The following DMXL1 variants were observed in gnomAD, a reference collection of about 807,000 sequenced individuals.
The protein encoded by DMXL1 is Dmx like 1, also known as dmX-like protein 1.
DMXL1 carries 99 observed loss-of-function variants against 319.2 expected under a neutral mutation model. That is an observed-to-expected ratio of 0.31 (90% CI 0.26 to 0.37). The LOEUF (loss-of-function observed/expected upper bound fraction) is 0.37, where lower values mean the gene tolerates loss of function less well. Among genes scored for constraint, DMXL1 ranks in the 10% least tolerant of loss-of-function variants. The pLI is 1.00. For synonymous variants in DMXL1, 1,385 were observed against 1,235.2 expected, an observed-to-expected ratio of 1.12 and a Z score of -2.54; for missense variants, 3,745 against 3,595.6, an observed-to-expected ratio of 1.04 and a Z score of -1.06.
Position 119,170,775 on chromosome 5 carries a change from A to G in DMXL1, c.5984A>G (p.Lys1995Arg), listed in dbSNP as rs1353898825. The change falls in exon 24 of 44, where the codon AAA (lysine) becomes AGA (arginine). Residue 1995 changes from lysine (K) to arginine (R), a missense_variant. This residue lies in a region of DMXL1 where 1,382 missense variants were observed against 1,269.5 expected (regional missense o/e 1.09). Coordinates refer to ENST00000539542, the MANE Select transcript of DMXL1 (RefSeq NM_001290321.3). Reference protein sequence around the residue: ...ELKPLQRKTDKKLDDISSNYT... With the variant: ...ELKPLQRKTDRKLDDISSNYT... ...AAACCTTTACAGAGAAAAACAGATA[A>G]AAAGTTGGATGACATAAGTTCTAAC... 2 of 1,612,342 alleles carry G rather than the reference A, an allele frequency of 1.2e-6. No individual in the cohort carries two copies. Among genetic ancestry groups the G allele is most frequent in the Middle Eastern group, 1.7e-4 (1 of 6,060 alleles).
intron 1 of DMXL1, among the ~76,000 whole-genome samples, chr5:119,082,018 TATACACAC>T (rs1478593253): frequency 0.011 from 781 of 71,392 alleles, 7 homozygotes; most frequent in African/African-American, 0.035. Flanking sequence ...TATATATATA[TATACACAC>T]ACACACACAC....
intron 28 of DMXL1, among the ~76,000 whole-genome samples, chr5:119,184,736 G>T (rs1489079844): frequency 6.6e-6 from 1 of 152,078 alleles, no homozygotes; most frequent in Non-Finnish European, 1.5e-5. Flanking sequence ...ATTATATAGT[G>T]TTTTGTCTTT....
intron 18 of DMXL1, 102 bp downstream of exon 18, chr5:119,150,523 T>TTA (rs1298289085): frequency 3.1e-6 from 4 of 1,287,076 alleles, no homozygotes; most frequent in Non-Finnish European, 4.2e-6. Context: ...GCACAGGGGC[T>TTA]TATGCCTGTA....
intron 8 of DMXL1, among the ~76,000 whole-genome samples, chr5:119,120,188 C>T (rs999038698): frequency 1.3e-5 from 2 of 152,222 alleles, no homozygotes; most frequent in African/African-American, 4.8e-5. Flanking sequence ...CGTGAGCCAC[C>T]ATGCCCGGCC....
At chr5:119,109,475 A>G (rs114759244) in intron 4 of DMXL1, among the ~76,000 whole-genome samples, 2,630 of 152,250 alleles carry the variant, frequency 0.017, 47 homozygotes, top group Non-Finnish European at 0.028. Context: ...TACCTATAAC[A>G]AAGTCCAAAC....
At chr5:119,087,757 G>C (rs181721080) in intron 1 of DMXL1, among the ~76,000 whole-genome samples, 1 of 151,784 alleles carries the variant, frequency 6.6e-6, no homozygotes, top group Admixed American at 6.6e-5. Context: ...ATTCTCCTAC[G>C]TTATTGTATT....
At position 119,116,335 on chromosome 5, in the gene DMXL1, A is replaced by C; in HGVS notation, c.742A>C (p.Arg248=). The C allele has an allele frequency of 6.2e-7, 1 of 1,612,734 alleles. No homozygotes were observed. Among genetic ancestry groups the C allele is most frequent in the Non-Finnish European group, 8.5e-7 (1 of 1,179,308 alleles). ...GCGTAAAACAAGCAAATATATGCCT[A>C]GGTCAGTGGATTGGTCATTTCCCTC... ...SWRKTSKYMP[R]ASVCNVLLTC... is the part of the protein sequence containing the mutation. The change falls in exon 7 of 44, where the codon AGG becomes CGG. Residue 248 remains arginine (R), a splice_region_variant and synonymous_variant. Transcript: ENST00000539542.
At chr5:119,195,749 A>C (rs928517114) in intron 30 of DMXL1, among the ~76,000 whole-genome samples, 4 of 152,318 alleles carry the variant, frequency 2.6e-5, no homozygotes, top group African/African-American at 9.6e-5. Context: ...TTTTACCATT[A>C]AAAAATTACT....
At chr5:119,188,087 G>A (rs950275276) in intron 28 of DMXL1, among the ~76,000 whole-genome samples, 9 of 152,080 alleles carry the variant, frequency 5.9e-5, no homozygotes, top group African/African-American at 2.2e-4. Context: ...AAATGTTTCT[G>A]TCTTTAAAAA....
chr5:119,119,283 C>T (rs900322482), intron 8 of DMXL1, among the ~76,000 whole-genome samples: 1 of 152,228 alleles, frequency 6.6e-6, no homozygotes, highest in East Asian at 1.9e-4. Flanking sequence ...TCTGAGAATG[C>T]AGAGATTTAA....
intron 2 of DMXL1, among the ~76,000 whole-genome samples, chr5:119,100,144 C>T (rs563305184): frequency 1.3e-5 from 2 of 152,040 alleles, no homozygotes; most frequent in Admixed American, 6.5e-5. Context: ...GGTTCTGGTA[C>T]CTGGGGACTT....
intron 38 of DMXL1, among the ~76,000 whole-genome samples, chr5:119,230,077 T>C (rs150392875): frequency 6.6e-6 from 1 of 152,314 alleles, no homozygotes; most frequent in East Asian, 1.9e-4. Flanking sequence ...TCAAAGGGAT[T>C]TGGAAAACTG....
chr5:119,152,119 C>A, intron 19 of DMXL1, 83 bp downstream of exon 19: 1 of 857,576 alleles, frequency 1.2e-6, no homozygotes, highest in South Asian at 1.7e-5. Flanking sequence ...TGTTTTTACC[C>A]AAAAATGATA....
Position 119,129,206 on chromosome 5 carries a change from T to C in DMXL1, c.1103-5T>C. ...TTTTAATTTTATCTTTTTTTTCTCTTATAGACATTCCACTTCTTCCATCTA... is the reference window on the plus strand; with the variant it reads ...TTTTAATTTTATCTTTTTTTTCTCTCATAGACATTCCACTTCTTCCATCTA... On this transcript the variant is annotated splice_region_variant and splice_polypyrimidine_tract_variant and intron_variant, in intron 9 of 43. Transcript: ENST00000539542. 3 of 1,585,994 alleles carry C rather than the reference T, an allele frequency of 1.9e-6. No individual in the cohort carries two copies. The South Asian group carries it at 3.4e-5, about 18-fold the overall frequency.
intron 35 of DMXL1, among the ~76,000 whole-genome samples, chr5:119,218,465 A>T (rs916390970): frequency 3.3e-5 from 5 of 150,922 alleles, no homozygotes; most frequent in South Asian, 4.2e-4. Context: ...ATTTTATTTT[A>T]TTTTATTTTG....
intron 16 of DMXL1, 29 bp downstream of exon 16, chr5:119,146,985 A>T: frequency 6.2e-7 from 1 of 1,607,306 alleles, no homozygotes; most frequent in Non-Finnish European, 8.5e-7. Flanking sequence ...TGTTTGTGCA[A>T]CTTTAATAGG....
intron 9 of DMXL1, among the ~76,000 whole-genome samples, chr5:119,122,608 G>T (rs1277715386): frequency 6.7e-6 from 1 of 148,270 alleles, no homozygotes; most frequent in African/African-American, 2.5e-5. Flanking sequence ...CAGGCAGAGG[G>T]TCTCCTCACT....
intron 4 of DMXL1, among the ~76,000 whole-genome samples, chr5:119,107,597 A>G (rs1381509277): frequency 6.6e-6 from 1 of 152,210 alleles, no homozygotes. Context: ...ACCATATTAT[A>G]TCTTACCTAC....
rs59365686 is a variant in DMXL1, at chr5:119,077,754, AGTGTGTGT to A, written c.87+6125_87+6132del. 9.4e-4 allele frequency among the ~76,000 whole-genome samples: 118 copies of A among 125,404 alleles called. 1 individual carries two copies. The highest frequency in any genetic ancestry group is 8.7e-3 in the East Asian group (41 of 4,696). 82.3% of individuals were successfully genotyped at this position (125,404 alleles called of 152,430 possible). On this transcript the variant is annotated intron_variant, in intron 1 of 43. Coordinates refer to ENST00000539542, the MANE Select transcript of DMXL1 (RefSeq NM_001290321.3). ...TGTACATATATACATTTATTTTTTAAGTGTGTGTGTGTGTGTGTGTGTGTGTGTGTGTG... is the reference window on the plus strand; with the variant it reads ...TGTACATATATACATTTATTTTTTAAGTGTGTGTGTGTGTGTGTGTGTGTG...
Sources: allele counts gnomAD v4.1 joint callset (sites outside exome capture counted in the v4.1 genomes callset), GRCh38; gene constraint gnomAD v4.1.1; regional missense constraint gnomAD v4.1.1; transcripts MANE v1.5; gene names NCBI Gene and HGNC (gene_info 2026-07-23, HGNC 2026-07-21).